The following SIPA1 variants were observed in gnomAD, a reference collection of about 807,000 sequenced individuals.
The protein encoded by SIPA1 is signal-induced proliferation-associated 1, also known as signal-induced proliferation-associated protein 1.
In SIPA1, 51 loss-of-function variants were observed where a neutral mutation model predicts 88.1. That is an observed-to-expected ratio of 0.58 (90% CI 0.46 to 0.73). SIPA1 has a LOEUF of 0.73. Ranked by LOEUF, SIPA1 falls within the 30% of genes least tolerant of loss-of-function variation. The pLI is 0.00. For synonymous variants in SIPA1, 681 were observed against 664.8 expected (o/e 1.02, Z -0.37); for missense variants, 1,348 against 1,467.6 (o/e 0.92, Z 1.33).
At position 65,646,536 on chromosome 11, in the gene SIPA1, C is replaced by G. The variant is rs564187967; in HGVS notation, c.1502C>G (p.Ala501Gly). Reference protein sequence around the residue: ...PAGGGPFAANADFRAFLLAKA... With the variant: ...PAGGGPFAANGDFRAFLLAKA... ...GGCGGAGGCCCCTTCGCAGCCAACG[C>G]CGACTTCCGGGCCTTCCTGCTGGCC... The change falls in exon 8 of 16, where the codon GCC (alanine) becomes GGC (glycine). Residue 501 changes from alanine (A) to glycine (G), a missense_variant. Around this residue, in one of 4 missense-constraint regions of SIPA1, gnomAD observed 641 missense variants for 797.7 expected, o/e 0.80. Coordinates refer to ENST00000534313, the MANE Select transcript of SIPA1 (RefSeq NM_006747.4). This position sits in a 1 kb window ranked among gnomAD's most constrained non-coding sequence, Gnocchi z 7.5. The G allele has an allele frequency of 1.3e-6, 2 of 1,560,756 alleles. No individual in the cohort carries two copies. The highest frequency in any genetic ancestry group is 1.8e-5 in the Admixed American group (1 of 54,790).
At chr11:65,649,173 G>C (rs1489808476) in intron 9 of SIPA1, 89 bp from the exon 10 acceptor site, 1 of 948,326 alleles carries the variant, frequency 1.1e-6, no homozygotes, top group Non-Finnish European at 1.6e-6. Context: ...CCTGCTCCTG[G>C]AAGTGAGCCT....
rs1555003564 is a variant in SIPA1 at position 65,642,901 on chromosome 11, C to CTTTCTTTA, written c.984+265_984+266insCTTTATTT. Reference sequence around the variant, plus strand: ...CAGACCATCTGAATCAGAGTTTGCACTTTATTTATTTATTTATTTATTTAT... The same window carrying CTTTCTTTA: ...CAGACCATCTGAATCAGAGTTTGCACTTTCTTTATTTATTTATTTATTTATTTATTTAT... On this transcript the variant is annotated intron_variant, in intron 4 of 15. Transcript: ENST00000534313. The surrounding 1 kb of genome is among the most constrained non-coding windows in gnomAD (Gnocchi z 6.5). 5.4e-5 allele frequency among the ~76,000 whole-genome samples: 8 copies of CTTTCTTTA among 146,856 alleles called. No individual in the cohort carries two copies. The highest frequency in any genetic ancestry group is 2.0e-4 in the African/African-American group (8 of 39,296).
At position 65,642,128 on chromosome 11, in the gene SIPA1, T is replaced by C. The variant is rs942942420; in HGVS notation, c.680-122T>C. The C allele has an allele frequency of 1.5e-6, 2 of 1,359,444 alleles. No individual in the cohort carries two copies. Among genetic ancestry groups the C allele is most frequent in the Non-Finnish European group, 2.0e-6 (2 of 999,634 alleles). The allele number at this position is 1,359,444 out of a possible 1,614,324, so 84.2% of individuals were successfully genotyped here. A position where few individuals can be genotyped will look rare whatever the true frequency, so the allele number is the denominator to read the frequency against. ...GGGGCTACAGAGGGGCGGGACTTAG[T>C]CTAGGGTCAACATTTGGTGGTGAGA... On this transcript the variant is annotated intron_variant, in intron 2 of 15. Coordinates refer to ENST00000534313, the MANE Select transcript of SIPA1 (RefSeq NM_006747.4). The surrounding 1 kb of genome is among the most constrained non-coding windows in gnomAD (Gnocchi z 6.5).
At position 65,646,599 on chromosome 11, in the gene SIPA1, G is replaced by T; in HGVS notation, c.1565G>T (p.Arg522Leu). 3 of 1,544,620 alleles carry T rather than the reference G, an allele frequency of 1.9e-6. No individual in the cohort carries two copies. Among genetic ancestry groups the T allele is most frequent in the East Asian group, 2.4e-5 (1 of 41,380 alleles). ...GGTGAGCAGGCGGCCGGCCACGCGCGCCAGTTCCACGCCATGGCCACGCGC... is the reference window on the plus strand; with the variant it reads ...GGTGAGCAGGCGGCCGGCCACGCGCTCCAGTTCCACGCCATGGCCACGCGC... ...LNGEQAAGHA[R>L]QFHAMATRTR... Residue 522 changes from arginine (R) to leucine (L), a missense_variant, in exon 8 of 16, where the codon CGC (arginine) becomes CTC (leucine). Arg to Leu is a moderately radical substitution (Grantham distance 102). This residue lies in a region of SIPA1 where 641 missense variants were observed against 797.7 expected (regional missense o/e 0.80). Coordinates refer to ENST00000534313, the MANE Select transcript of SIPA1 (RefSeq NM_006747.4). The surrounding 1 kb of genome is among the most constrained non-coding windows in gnomAD (Gnocchi z 7.5).
In SIPA1 at chr11:65,647,665, G is replaced by A. The variant is rs1856158946; in HGVS notation, c.2306+7G>A. On this transcript the variant is annotated splice_region_variant and intron_variant, in intron 9 of 15. Transcript: ENST00000534313. ...AGAGCGGCCGGCCCCGCAGGTCAGGGTGCCGGGGACGCGGGGAGGTGGGAG... is the reference window on the plus strand; with the variant it reads ...AGAGCGGCCGGCCCCGCAGGTCAGGATGCCGGGGACGCGGGGAGGTGGGAG... The A allele has an allele frequency of 3.0e-6, 4 of 1,347,556 alleles. No homozygotes were observed. Among genetic ancestry groups the A allele is most frequent in the Non-Finnish European group, 3.8e-6 (4 of 1,053,394 alleles). The allele number at this position is 1,347,556 out of a possible 1,614,324, so 83.5% of individuals were successfully genotyped here. A position where few individuals can be genotyped will look rare whatever the true frequency, so the allele number is the denominator to read the frequency against.
intron 14 of SIPA1, 24 bp downstream of exon 14, chr11:65,650,216 C>T: frequency 6.2e-7 from 1 of 1,612,614 alleles, no homozygotes; most frequent in South Asian, 1.1e-5. Context: ...CTCCCCACAG[C>T]CGCTTTACCT....
At position 65,645,144 on chromosome 11, in the gene SIPA1, C is replaced by A; in HGVS notation, c.1159+15C>A. ...AGACACCAAAAGTGAGGCCCAGGGGCAGGAGGGGTGGGAGCAGATCTGTGC... is the reference window on the plus strand; with the variant it reads ...AGACACCAAAAGTGAGGCCCAGGGGAAGGAGGGGTGGGAGCAGATCTGTGC... On this transcript the variant is annotated intron_variant, in intron 5 of 15. Transcript: ENST00000534313. The A allele has an allele frequency of 6.2e-7, 1 of 1,610,740 alleles. No homozygotes were observed. Among genetic ancestry groups the A allele is most frequent in the Admixed American group, 1.7e-5 (1 of 59,858 alleles).
In SIPA1 at chr11:65,642,222, A is replaced by G; in HGVS notation, c.680-28A>G. ...GGCGGGGCTGCCAGAGGGCGGGACC[A>G]ATCGTTTTCTTCGGCGCGGTCCCCC... On this transcript the variant is annotated intron_variant, in intron 2 of 15. Transcript: ENST00000534313. The surrounding 1 kb of genome is among the most constrained non-coding windows in gnomAD (Gnocchi z 6.5). 6.5e-7 allele frequency: 1 copy of G among 1,548,426 alleles called. No homozygotes were observed. Among genetic ancestry groups the G allele is most frequent in the Non-Finnish European group, 8.7e-7 (1 of 1,146,904 alleles).
intron 1 of SIPA1, among the ~76,000 whole-genome samples, chr11:65,638,679 G>A (rs894010480): frequency 2.0e-5 from 3 of 152,216 alleles, no homozygotes; most frequent in African/African-American, 7.2e-5. Flanking sequence ...CGGATCTGTG[G>A]GGGCGGGGCC....
intron 5 of SIPA1, 80 bp downstream of exon 5, chr11:65,645,209 C>A: frequency 7.2e-7 from 1 of 1,398,174 alleles, no homozygotes; most frequent in South Asian, 1.3e-5. Flanking sequence ...CTCCTTTGTC[C>A]GTACAATCCT....
At position 65,640,834 on chromosome 11, in the gene SIPA1, A is replaced by G; in HGVS notation, c.-88A>G. 2 of 1,223,552 alleles carry G rather than the reference A, an allele frequency of 1.6e-6. No individual in the cohort carries two copies. The highest frequency in any genetic ancestry group is 2.2e-6 in the Non-Finnish European group (2 of 914,872). The allele number at this position is 1,223,552 out of a possible 1,614,324, so 75.8% of individuals were successfully genotyped here. A position where few individuals can be genotyped will look rare whatever the true frequency, so the allele number is the denominator to read the frequency against. Reference sequence around the variant, plus strand: ...GAGCAGCCCCCTCCTCCTTCAGGGCAGGAACTGCTGCCACAACCTCAGGCT... The same window carrying G: ...GAGCAGCCCCCTCCTCCTTCAGGGCGGGAACTGCTGCCACAACCTCAGGCT... On this transcript the variant is annotated 5_prime_UTR_variant, in exon 2 of 16. Coordinates refer to ENST00000534313, the MANE Select transcript of SIPA1 (RefSeq NM_006747.4).
intron 1 of SIPA1, 173 bp downstream of exon 1, chr11:65,638,355 G>A: frequency 6.6e-6 from 1 of 152,030 alleles, no homozygotes; most frequent in Non-Finnish European, 1.5e-5. Context: ...AATATGTCCA[G>A]CCCCCTGTCT....
At chr11:65,643,437 A>G (rs1298369446) in intron 4 of SIPA1, among the ~76,000 whole-genome samples, 2 of 152,234 alleles carry the variant, frequency 1.3e-5, no homozygotes, top group Non-Finnish European at 2.9e-5. Context: ...TGTATCATTC[A>G]ACCCATCAGT....
At chr11:65,638,506 C>T (rs1855942264) in intron 1 of SIPA1, 1 of 152,300 alleles carries the variant, frequency 6.6e-6, no homozygotes, top group Non-Finnish European at 1.5e-5. Flanking sequence ...CGGGGCTCCC[C>T]CTTATTCTGA....
rs762949652 is a variant in SIPA1 at position 65,650,759 on chromosome 11, C to T, written c.*44C>T. 3 of 1,496,000 alleles carry T rather than the reference C, an allele frequency of 2.0e-6. No individual in the cohort carries two copies. The highest frequency in any genetic ancestry group is 1.8e-4 in the Middle Eastern group (1 of 5,574). The allele number at this position is 1,496,000 out of a possible 1,614,324, so 92.7% of individuals were successfully genotyped here. On this transcript the variant is annotated 3_prime_UTR_variant, in exon 16 of 16. Transcript: ENST00000534313. ...GGCCCCTGAGGGCACTGTGGTCACACTGGGCCCTCCTCAGGAACTCTCCCT... is the reference window on the plus strand; with the variant it reads ...GGCCCCTGAGGGCACTGTGGTCACATTGGGCCCTCCTCAGGAACTCTCCCT...
At chr11:65,641,751 G>A in intron 2 of SIPA1, 151 bp downstream of exon 2, 1 of 743,418 alleles carries the variant, frequency 1.3e-6, no homozygotes, top group South Asian at 1.9e-5. Context: ...GGGTCCTCCT[G>A]GACCTACTTT....
intron 9 of SIPA1, 79 bp downstream of exon 9, chr11:65,647,737 C>A: frequency 8.7e-7 from 1 of 1,155,768 alleles, no homozygotes; most frequent in Non-Finnish European, 1.1e-6. Flanking sequence ...GGGTCGCCAT[C>A]AGCAGTTTCA....
chr11:65,650,897 G>C lies in SIPA1; in HGVS notation c.*182G>C. 1.5e-6 allele frequency: 1 copy of C among 689,656 alleles called. No homozygotes were observed. The highest frequency in any genetic ancestry group is 2.3e-6 in the Non-Finnish European group (1 of 428,172). The allele number at this position is 689,656 out of a possible 1,614,324, so 42.7% of individuals were successfully genotyped here. A position where few individuals can be genotyped will look rare whatever the true frequency, so the allele number is the denominator to read the frequency against. On this transcript the variant is annotated 3_prime_UTR_variant, in exon 16 of 16. Coordinates refer to ENST00000534313, the MANE Select transcript of SIPA1 (RefSeq NM_006747.4). ...ATTCTGTGGAGAAAAGAGGACTTCA[G>C]GGAGTAAAAAAGCCACTGATGTCTG... is the stretch of plus-strand genomic sequence containing the variant.
Position 65,649,882 on chromosome 11 carries a change from G to A in SIPA1, c.2746+17G>A. ...TCAGCAGGAGTGAGTCTGGACCCAG[G>A]AGAGCAGGGGAGGGGTTGGGGGGTG... On this transcript the variant is annotated intron_variant, in intron 12 of 15. Coordinates refer to ENST00000534313, the MANE Select transcript of SIPA1 (RefSeq NM_006747.4). The A allele has an allele frequency of 5.6e-6, 9 of 1,613,760 alleles. No homozygotes were observed. Among genetic ancestry groups the A allele is most frequent in the Non-Finnish European group, 7.6e-6 (9 of 1,179,776 alleles).
Sources: allele counts gnomAD v4.1 joint callset (sites outside exome capture counted in the v4.1 genomes callset), GRCh38; gene constraint gnomAD v4.1.1; regional missense constraint gnomAD v4.1.1; non-coding constraint Gnocchi (gnomAD v3.1); transcripts MANE v1.5; gene names NCBI Gene and HGNC (gene_info 2026-07-23, HGNC 2026-07-21).